The following ALK variants were observed in gnomAD, a reference collection of about 807,000 sequenced individuals.
The protein encoded by ALK is ALK receptor tyrosine kinase, also known as ALK tyrosine kinase receptor.
A neutral mutation model predicts 163.1 loss-of-function variants in ALK; 74 were observed. The ratio of observed to expected loss-of-function variants is 0.45; its 90% CI spans 0.38 to 0.55. The LOEUF (loss-of-function observed/expected upper bound fraction) is 0.55, where lower values mean the gene tolerates loss of function less well. ALK is among the 20% of genes least tolerant of loss of function. The pLI, the probability that ALK is intolerant of heterozygous loss-of-function variation, is 0.00. For missense variants in ALK, 2,063 were observed against 2,105.3 expected (o/e 0.98, Z 0.39); for synonymous variants, 960 against 843.2 (o/e 1.14, Z -2.40).
chr2:29,228,805 GGGGA>G (rs1664091752), intron 16 of ALK, 75 bp downstream of exon 16: 6 of 972,124 alleles, frequency 6.2e-6, no homozygotes, highest in African/African-American at 4.9e-5. Context: ...GGGGAGGGCA[GGGGA>G]GGGCAGGGCA....
In ALK at chr2:29,692,637, C is replaced by T. The variant is rs566466300; in HGVS notation, c.952+2213G>A. 6.6e-5 allele frequency among the ~76,000 whole-genome samples: 10 copies of T among 152,320 alleles called. No individual in the cohort carries two copies. In the South Asian group the frequency reaches 1.2e-3, roughly 19 times the overall value. On this transcript the variant is annotated intron_variant, in intron 3 of 28. Coordinates refer to ENST00000389048, the MANE Select transcript of ALK (RefSeq NM_004304.5). ...ATGCGGCAGCTGATCTGACAGGAGG[C>T]GGAGCTCAGGCAGTAATGCTGGCTT...
intron 2 of ALK, among the ~76,000 whole-genome samples, chr2:29,716,579 G>A (rs1013554201): frequency 2.6e-5 from 4 of 152,290 alleles, no homozygotes; most frequent in South Asian, 2.1e-4. Flanking sequence ...GGACCTACCC[G>A]GGTGGGTAGG....
Position 29,379,778 on chromosome 2 carries a change from T to C in ALK, c.1282+3954A>G, listed in dbSNP as rs181469147. On this transcript the variant is annotated intron_variant, in intron 5 of 28. Transcript: ENST00000389048. ...AATGGTATCAGGGAGACCAGTTGGC[T>C]GCTGCCAAAATTCAAGTCTGCGTAT... Among the ~76,000 whole-genome samples, 143 of 152,346 alleles carry C rather than the reference T, an allele frequency of 9.4e-4. 2 individuals carry two copies. Among genetic ancestry groups the C allele is most frequent in the Non-Finnish European group, 9.6e-4 (65 of 68,038 alleles).
chr2:29,712,088 T>C (rs1483575760), intron 2 of ALK, among the ~76,000 whole-genome samples: 3 of 152,154 alleles, frequency 2.0e-5, no homozygotes, highest in Non-Finnish European at 4.4e-5. Context: ...TTTAAACATG[T>C]CTCTCCTCGA....
chr2:29,816,693 C>T (rs1379843237), intron 1 of ALK, among the ~76,000 whole-genome samples: 1 of 152,200 alleles, frequency 6.6e-6, no homozygotes, highest in African/African-American at 2.4e-5. Flanking sequence ...CTAGCCAGCT[C>T]CACACCACCT....
intron 3 of ALK, among the ~76,000 whole-genome samples, chr2:29,630,056 T>A (rs571268550): frequency 2.5e-4 from 38 of 152,316 alleles, no homozygotes; most frequent in African/African-American, 8.9e-4. Context: ...TCATGTCAGT[T>A]GCCTTTCTTC....
chr2:29,508,359 T>C (rs1184624645), intron 4 of ALK, among the ~76,000 whole-genome samples: 4 of 152,270 alleles, frequency 2.6e-5, no homozygotes, highest in East Asian at 1.9e-4. Context: ...TGGAATACTA[T>C]GCAGCCATAA....
At chr2:29,672,784 G>A (rs1251229125) in intron 3 of ALK, among the ~76,000 whole-genome samples, 2 of 149,356 alleles carry the variant, frequency 1.3e-5, no homozygotes, top group Non-Finnish European at 3.0e-5. Context: ...CTAGTTTACA[G>A]TCCCACCAAC....
chr2:29,214,178 C>T (rs995750621), intron 23 of ALK, 97 bp from the exon 24 acceptor site: 70 of 998,396 alleles, frequency 7.0e-5, no homozygotes, highest in Admixed American at 6.2e-4. Flanking sequence ...GGAGGCAGAC[C>T]GTGAACATGC....
At chr2:29,383,534 C>A (rs530749719) in intron 5 of ALK, among the ~76,000 whole-genome samples, 198 bp downstream of exon 5, 8 of 152,274 alleles carry the variant, frequency 5.3e-5, no homozygotes, top group Admixed American at 2.0e-4. Flanking sequence ...CCAGGCTGGT[C>A]TTGAACTCTT....
chr2:29,493,214 G>C (rs980776976), intron 4 of ALK, among the ~76,000 whole-genome samples: 1 of 152,126 alleles, frequency 6.6e-6, no homozygotes, highest in Admixed American at 6.5e-5. Flanking sequence ...TCCAACACTG[G>C]GATGAAGACT....
At chr2:29,869,216 G>A (rs557554413) in intron 1 of ALK, among the ~76,000 whole-genome samples, 19 of 152,272 alleles carry the variant, frequency 1.2e-4, no homozygotes, top group African/African-American at 2.4e-4. Context: ...GGTTTGCTAT[G>A]CAACCATATA....
chr2:29,508,324 C>A (rs1672397414), intron 4 of ALK, among the ~76,000 whole-genome samples: 1 of 152,062 alleles, frequency 6.6e-6, no homozygotes, highest in South Asian at 2.1e-4. Flanking sequence ...GTTAGAAATG[C>A]AGAAAATGTG....
At chr2:29,835,686 T>C (rs1665540478) in intron 1 of ALK, among the ~76,000 whole-genome samples, 1 of 152,214 alleles carries the variant, frequency 6.6e-6, no homozygotes, top group South Asian at 2.1e-4. Context: ...AGGGACCTGA[T>C]GGGACACAAT....
intron 1 of ALK, among the ~76,000 whole-genome samples, chr2:29,802,789 T>C (rs1273424164): frequency 6.6e-6 from 1 of 151,426 alleles, no homozygotes; most frequent in Non-Finnish European, 1.5e-5. Context: ...TTTTTTTTTT[T>C]TTCCTTTTTT....
chr2:29,227,798 G>T lies in ALK; in HGVS notation c.2816-126C>A. 9 of 733,764 alleles carry T rather than the reference G, an allele frequency of 1.2e-5. No individual in the cohort carries two copies. Among genetic ancestry groups the T allele is most frequent in the Non-Finnish European group, 1.7e-5 (7 of 413,174 alleles). The allele number at this position is 733,764 out of a possible 1,614,324, so 45.5% of individuals were successfully genotyped here. On this transcript the variant is annotated intron_variant, in intron 16 of 28. Transcript: ENST00000389048. This position sits in a 1 kb window ranked among gnomAD's most constrained non-coding sequence, Gnocchi z 4.4. ...GGGTCACTGGGGACCTCAGGGGCAG[G>T]GATGCGGGGAGGGAAGGGAGGCTCA...
intron 1 of ALK, among the ~76,000 whole-genome samples, chr2:29,849,784 T>G (rs1415700763): frequency 2.0e-5 from 3 of 148,074 alleles, no homozygotes; most frequent in African/African-American, 2.5e-5. Flanking sequence ...AGAAGAGGAG[T>G]GGGGAGGAAG....
At chr2:29,909,480 C>CAGAGAGAGAGAGAGAGAGAGAGAG (rs369360033) in intron 1 of ALK, among the ~76,000 whole-genome samples, 2 of 135,888 alleles carry the variant, frequency 1.5e-5, no homozygotes, top group African/African-American at 2.7e-5. Flanking sequence ...GACAGACAGA[C>CAGAGAGAGAGAGAGAGAGAGAGAG]AGAGAGAGAG....
At chr2:29,841,801 ACT>A (rs1034250459) in intron 1 of ALK, among the ~76,000 whole-genome samples, 19 of 152,116 alleles carry the variant, frequency 1.2e-4, no homozygotes, top group African/African-American at 4.3e-4. Context: ...CAAAAACAAA[ACT>A]CTCTGTTCTG....
Sources: gnomAD v4.1 joint callset for allele counts (sites outside exome capture counted in the v4.1 genomes callset) on GRCh38, gnomAD v4.1.1 for gene constraint, Gnocchi (gnomAD v3.1) non-coding constraint, MANE v1.5 for transcripts, NCBI Gene and HGNC (gene_info 2026-07-23, HGNC 2026-07-21) for gene names.